The following FRMD4B variants were observed in gnomAD, a reference collection of about 807,000 sequenced individuals.
The protein encoded by FRMD4B is FERM domain containing 4B, also known as FERM domain-containing protein 4B.
Under a neutral mutation model 141.5 loss-of-function variants are expected in FRMD4B, and 74 were observed. That is an observed-to-expected ratio of 0.52 (90% CI 0.43 to 0.63). FRMD4B has a LOEUF of 0.63. FRMD4B is among the 30% of genes least tolerant of loss of function. The pLI is 0.00. For synonymous variants in FRMD4B, 506 were observed against 467.9 expected (o/e 1.08, Z -1.05); for missense variants, 1,366 against 1,253.4 (o/e 1.09, Z -1.36).
At chr3:69,232,481 AT>A (rs1490820067) in intron 7 of FRMD4B, among the ~76,000 whole-genome samples, 1 of 152,110 alleles carries the variant, frequency 6.6e-6, no homozygotes. Flanking sequence ...TACTACAACT[AT>A]TTCTCAGGCA....
At chr3:69,203,320 C>CAAAAAAAAAAAAA (rs796607832) in intron 11 of FRMD4B, among the ~76,000 whole-genome samples, 4 of 107,892 alleles carry the variant, frequency 3.7e-5, no homozygotes, top group East Asian at 6.8e-4. Context: ...CAAACTTCAG[C>CAAAAAAAAAAAAA]AAAAAAAAAA....
chr3:69,171,984 A>C lies in FRMD4B; in HGVS notation c.2985-3T>G. 6.2e-7 allele frequency: 1 copy of C among 1,612,988 alleles called. No homozygotes were observed. The highest frequency in any genetic ancestry group is 8.5e-7 in the Non-Finnish European group (1 of 1,179,106). On this transcript the variant is annotated splice_polypyrimidine_tract_variant and splice_region_variant and intron_variant, in intron 22 of 22. Coordinates refer to ENST00000398540, the MANE Select transcript of FRMD4B (RefSeq NM_015123.3). ...GTTGACTGATTTCTGTGTATTGTCT[A>C]TTAAAGAAAACCAGAAAAGTTACTA...
At chr3:69,186,580 C>T (rs573066402) in intron 19 of FRMD4B, among the ~76,000 whole-genome samples, 2 of 152,248 alleles carry the variant, frequency 1.3e-5, no homozygotes, top group Non-Finnish European at 2.9e-5. Context: ...GGCATGATGG[C>T]GCGTGCCTGT....
At chr3:69,244,691 T>G (rs1262889593) in intron 7 of FRMD4B, among the ~76,000 whole-genome samples, 2 of 152,094 alleles carry the variant, frequency 1.3e-5, no homozygotes, top group African/African-American at 4.8e-5. Context: ...GTCAAGAGTC[T>G]GAGACCAGCC....
At chr3:69,475,253 T>C (rs1575815557) in intron 1 of FRMD4B, among the ~76,000 whole-genome samples, 1 of 152,190 alleles carries the variant, frequency 6.6e-6, no homozygotes, top group East Asian at 1.9e-4. Flanking sequence ...ATGTGCGAAA[T>C]GTGCAGGTTA....
intron 5 of FRMD4B, among the ~76,000 whole-genome samples, chr3:69,259,345 C>T (rs1354990820): frequency 3.3e-5 from 5 of 152,202 alleles, no homozygotes; most frequent in South Asian, 2.1e-4. Context: ...CTCTCGTTCA[C>T]CCACCCGCTG....
intron 1 of FRMD4B, among the ~76,000 whole-genome samples, chr3:69,343,899 C>T (rs375657811): frequency 1.3e-5 from 2 of 152,080 alleles, no homozygotes; most frequent in African/African-American, 4.8e-5. Flanking sequence ...AGTTTCTATA[C>T]TCCCCAAGAG....
chr3:69,279,897 T>C (rs1308078652), intron 5 of FRMD4B, among the ~76,000 whole-genome samples: 3 of 151,824 alleles, frequency 2.0e-5, no homozygotes, highest in Admixed American at 6.6e-5. Context: ...CTTTTCCACA[T>C]TTTCTGTCTT....
At chr3:69,188,321 G>C (rs1319791555) in intron 18 of FRMD4B, among the ~76,000 whole-genome samples, 4 of 152,176 alleles carry the variant, frequency 2.6e-5, no homozygotes, top group Non-Finnish European at 5.9e-5. Context: ...TTGGCCAAAG[G>C]CTTATCCTGT....
intron 1 of FRMD4B, among the ~76,000 whole-genome samples, chr3:69,321,224 C>T (rs76928727): frequency 1.1e-4 from 16 of 152,026 alleles, no homozygotes; most frequent in African/African-American, 2.2e-4. Flanking sequence ...CTCATAACAA[C>T]GGGGTCGTCT....
intron 1 of FRMD4B, among the ~76,000 whole-genome samples, chr3:69,367,827 A>G (rs1052294795): frequency 7.9e-5 from 12 of 152,224 alleles, no homozygotes; most frequent in Admixed American, 7.9e-4. Context: ...TGAAATGGAA[A>G]TGCTTGGTCA....
At chr3:69,409,288 C>T (rs1401665268) in intron 2 of FRMD4B, among the ~76,000 whole-genome samples, 1 of 152,158 alleles carries the variant, frequency 6.6e-6, no homozygotes, top group Non-Finnish European at 1.5e-5. Flanking sequence ...GTTGGAGAAG[C>T]AAATCCACTC....
At chr3:69,295,878 G>A (rs55814935) in intron 4 of FRMD4B, among the ~76,000 whole-genome samples, 4,229 of 152,046 alleles carry the variant, frequency 0.028, 128 homozygotes, top group Non-Finnish European at 0.039. Context: ...GTGCAATGGC[G>A]TGATCTTGGC....
chr3:69,483,527 A>G (rs1034364739), intron 1 of FRMD4B, among the ~76,000 whole-genome samples: 2 of 152,236 alleles, frequency 1.3e-5, no homozygotes, highest in African/African-American at 4.8e-5. Flanking sequence ...CTTAAAATGG[A>G]TTGTAGAACT....
At chr3:69,342,374 C>T (rs1261937219) in intron 1 of FRMD4B, among the ~76,000 whole-genome samples, 3 of 152,292 alleles carry the variant, frequency 2.0e-5, no homozygotes, top group Non-Finnish European at 2.9e-5. Flanking sequence ...GATATCCAGA[C>T]ACTATCAAGA....
intron 11 of FRMD4B, among the ~76,000 whole-genome samples, chr3:69,205,906 C>T (rs933833604): frequency 6.6e-6 from 1 of 152,180 alleles, no homozygotes; most frequent in African/African-American, 2.4e-5. Context: ...GTTCACATTG[C>T]TTTACATATG....
intron 1 of FRMD4B, among the ~76,000 whole-genome samples, chr3:69,521,191 G>A (rs1362502073): frequency 6.6e-6 from 1 of 151,190 alleles, no homozygotes; most frequent in East Asian, 2.0e-4. Context: ...CACAGCAGAT[G>A]TGCACCCACT....
At chr3:69,382,363 C>T (rs529504292) in intron 1 of FRMD4B, among the ~76,000 whole-genome samples, 9 of 152,158 alleles carry the variant, frequency 5.9e-5, no homozygotes, top group South Asian at 2.1e-4. Flanking sequence ...TTAGTAGAGA[C>T]GGGGTCTTGC....
chr3:69,248,486 G>A (rs891399022), intron 7 of FRMD4B, among the ~76,000 whole-genome samples: 2 of 152,210 alleles, frequency 1.3e-5, no homozygotes, highest in South Asian at 4.1e-4. Context: ...TCAAAGACTT[G>A]GCTGGGAATG....
Sources: allele counts gnomAD v4.1 joint callset (sites outside exome capture counted in the v4.1 genomes callset), GRCh38; gene constraint gnomAD v4.1.1; transcripts MANE v1.5; gene names NCBI Gene and HGNC (gene_info 2026-07-23, HGNC 2026-07-21).